The following KIF13B variants were observed in gnomAD, a reference collection of about 807,000 sequenced individuals.
KIF13B encodes the protein kinesin family member 13B.
Under a neutral mutation model 222.0 loss-of-function variants are expected in KIF13B, and 127 were observed. The ratio of observed to expected loss-of-function variants is 0.57; its 90% CI spans 0.50 to 0.66. The LOEUF (loss-of-function observed/expected upper bound fraction) is 0.66. KIF13B is among the 30% of genes least tolerant of loss of function. KIF13B has a pLI of 0.00. For missense variants in KIF13B, 2,173 were observed against 2,379.0 expected, an observed-to-expected ratio of 0.91 and a Z score of 1.80; for synonymous variants, 976 against 919.0, an observed-to-expected ratio of 1.06 and a Z score of -1.12.
At chr8:29,142,549 G>T (rs1466738178) in intron 18 of KIF13B, among the ~76,000 whole-genome samples, 2 of 152,038 alleles carry the variant, frequency 1.3e-5, no homozygotes, top group Non-Finnish European at 2.9e-5. Flanking sequence ...AAAATTTTTT[G>T]GGGGGAGTTG....
intron 10 of KIF13B, among the ~76,000 whole-genome samples, chr8:29,171,746 A>AT (rs1169474938): frequency 6.9e-6 from 1 of 145,584 alleles, no homozygotes; most frequent in Non-Finnish European, 1.5e-5. Flanking sequence ...AAATCATATA[A>AT]TTTTTTTTTC....
chr8:29,081,617 T>TA (rs1482119303), intron 37 of KIF13B, among the ~76,000 whole-genome samples: 1 of 152,244 alleles, frequency 6.6e-6, no homozygotes, highest in Non-Finnish European at 1.5e-5. Context: ...AACCTTTTTT[T>TA]ATACTACAGT....
chr8:29,186,340 T>C lies in KIF13B; in HGVS notation c.449A>G (p.Tyr150Cys), dbSNP rs770405953. ...EEQSFKVEVS[Y>C]MEIYNEKVRD... ...AACTTTTTCATTATAAATTTCCATG[T>C]AGGACACTTCTACTTTAAAACTCTG... The change falls in exon 6 of 40, where the codon TAC becomes TGC. Residue 150 changes from tyrosine (Y) to cysteine (C), a missense_variant. Physicochemically the swap from Tyr to Cys is radical, Grantham distance 194 (BLOSUM62 -2). This residue lies in a region of KIF13B where 1,480 missense variants were observed against 1,722.8 expected (regional missense o/e 0.86). Transcript: ENST00000524189. 5.0e-6 allele frequency: 8 copies of C among 1,613,642 alleles called. No homozygotes were observed. Among genetic ancestry groups the C allele is most frequent in the East Asian group, 2.2e-5 (1 of 44,890 alleles).
At chr8:29,227,748 A>G (rs1815088557) in intron 2 of KIF13B, among the ~76,000 whole-genome samples, 2 of 152,084 alleles carry the variant, frequency 1.3e-5, no homozygotes, top group African/African-American at 4.8e-5. Flanking sequence ...CAGGAATTCA[A>G]GACCAGCCTG....
At chr8:29,158,941 C>T (rs997303470) in intron 13 of KIF13B, among the ~76,000 whole-genome samples, 2 of 152,072 alleles carry the variant, frequency 1.3e-5, no homozygotes, top group African/African-American at 4.8e-5. Flanking sequence ...TTTGTGTGTA[C>T]CAATTTGAAC....
intron 2 of KIF13B, among the ~76,000 whole-genome samples, chr8:29,231,744 G>A (rs1185948093): frequency 6.6e-6 from 1 of 151,588 alleles, no homozygotes; most frequent in African/African-American, 2.4e-5. Flanking sequence ...CAGTAATTTT[G>A]TAGCTGTTTA....
intron 4 of KIF13B, 93 bp from the exon 5 acceptor site, chr8:29,188,700 A>C (rs556778937): frequency 2.7e-6 from 2 of 748,622 alleles, no homozygotes; most frequent in East Asian, 5.4e-5. Flanking sequence ...AAAATGTATA[A>C]TCTGCTTATT....
chr8:29,163,410 C>T (rs940392037), intron 12 of KIF13B, among the ~76,000 whole-genome samples: 3 of 152,158 alleles, frequency 2.0e-5, no homozygotes, highest in Non-Finnish European at 4.4e-5. Flanking sequence ...CCATGGAGAA[C>T]CCAGCTAACT....
intron 10 of KIF13B, among the ~76,000 whole-genome samples, chr8:29,174,143 A>AT (rs1311194955): frequency 6.6e-6 from 1 of 152,120 alleles, no homozygotes; most frequent in East Asian, 1.9e-4. Context: ...CTTTGAGCAA[A>AT]TTTTTTTATA....
chr8:29,173,379 T>C (rs1187541064), intron 10 of KIF13B, among the ~76,000 whole-genome samples: 1 of 150,524 alleles, frequency 6.6e-6, no homozygotes, highest in African/African-American at 2.4e-5. Context: ...CCTGGCACTT[T>C]GGGAGGCCGA....
At chr8:29,126,095 A>G (rs531190366) in intron 26 of KIF13B, among the ~76,000 whole-genome samples, 1 of 152,106 alleles carries the variant, frequency 6.6e-6, no homozygotes, top group Non-Finnish European at 1.5e-5. Flanking sequence ...ACAAAAAAAA[A>G]AACAAAAACA....
At chr8:29,163,963 G>C (rs893884607) in intron 12 of KIF13B, among the ~76,000 whole-genome samples, 1 of 152,144 alleles carries the variant, frequency 6.6e-6, no homozygotes, top group Non-Finnish European at 1.5e-5. Flanking sequence ...AGGGAGATAT[G>C]TAATGAGAAA....
chr8:29,087,141 A>C (rs1808081695), intron 37 of KIF13B, among the ~76,000 whole-genome samples: 1 of 152,308 alleles, frequency 6.6e-6, no homozygotes. Context: ...TTATTTCCAT[A>C]ATGTATATAA....
intron 29 of KIF13B, among the ~76,000 whole-genome samples, chr8:29,122,071 G>C (rs1363677598): frequency 6.6e-6 from 1 of 151,966 alleles, no homozygotes; most frequent in Non-Finnish European, 1.5e-5. Flanking sequence ...TGGCTAACAT[G>C]GTGAAACCCC....
intron 8 of KIF13B, among the ~76,000 whole-genome samples, chr8:29,178,930 G>T (rs770139657): frequency 1.3e-5 from 2 of 152,166 alleles, no homozygotes; most frequent in African/African-American, 4.8e-5. Context: ...CTAGGCAACA[G>T]AGAAGTTTGC....
Position 29,249,260 on chromosome 8 carries a change from T to G in KIF13B, c.56-3821A>C, listed in dbSNP as rs143719106. 4.9e-3 allele frequency among the ~76,000 whole-genome samples: 742 copies of G among 152,002 alleles called. 5 individuals are homozygous for G. The highest frequency in any genetic ancestry group is 0.017 in the African/African-American group (697 of 41,436). ...CTGGCCAACATGGTGAAACCCCGTCTCTACTAAATATACAAAAAAATTAGC... is the reference window on the plus strand; with the variant it reads ...CTGGCCAACATGGTGAAACCCCGTCGCTACTAAATATACAAAAAAATTAGC... On this transcript the variant is annotated intron_variant, in intron 1 of 39. Transcript: ENST00000524189.
intron 2 of KIF13B, among the ~76,000 whole-genome samples, chr8:29,232,609 CT>C (rs896098229): frequency 5.9e-5 from 9 of 151,814 alleles, no homozygotes; most frequent in Middle Eastern, 3.4e-3. Context: ...TTACAGTTTT[CT>C]TTTTTTTACT....
At chr8:29,170,563 A>G (rs766311176) in intron 10 of KIF13B, among the ~76,000 whole-genome samples, 5 of 152,238 alleles carry the variant, frequency 3.3e-5, no homozygotes, top group Non-Finnish European at 5.9e-5. Context: ...AAGATAGAGA[A>G]GCATCACCCA....
intron 13 of KIF13B, among the ~76,000 whole-genome samples, chr8:29,159,175 G>A (rs1411258243): frequency 3.3e-5 from 5 of 151,828 alleles, no homozygotes; most frequent in Non-Finnish European, 7.4e-5. Context: ...TTTTGAAACA[G>A]AGTCTTGCTC....
Sources: gnomAD v4.1 joint callset for allele counts (sites outside exome capture counted in the v4.1 genomes callset) on GRCh38, gnomAD v4.1.1 for gene constraint, gnomAD v4.1.1 regional missense constraint, MANE v1.5 for transcripts, NCBI Gene and HGNC (gene_info 2026-07-23, HGNC 2026-07-21) for gene names.